Variants in CDH12 observed in about 807,000 individuals in gnomAD.
CDH12 encodes the protein cadherin-12.
Under a neutral mutation model 74.1 loss-of-function variants are expected in CDH12, and 41 were observed. The observed-to-expected ratio is 0.55, with a 90% CI of 0.43 to 0.72. CDH12 has a LOEUF of 0.72. Among genes scored for constraint, CDH12 ranks in the 30% least tolerant of loss-of-function variants. The pLI, the probability that CDH12 is intolerant of heterozygous loss-of-function variation, is 0.00. For synonymous variants in CDH12, 399 were observed against 355.0 expected (o/e 1.12, Z -1.39); for missense variants, 945 against 977.2 (o/e 0.97, Z 0.44).
chr5:21,840,793 T>G (rs1052931406), intron 8 of CDH12, among the ~76,000 whole-genome samples: 1 of 152,200 alleles, frequency 6.6e-6, no homozygotes, highest in Non-Finnish European at 1.5e-5. Flanking sequence ...CTGGGAAAAC[T>G]GGCTAGCCAT....
At chr5:22,519,500 T>C (rs1297916428) in intron 1 of CDH12, among the ~76,000 whole-genome samples, 1 of 150,808 alleles carries the variant, frequency 6.6e-6, no homozygotes, top group African/African-American at 2.4e-5. Context: ...CTCGGCTCAC[T>C]GCAAACTCCA....
At chr5:21,980,687 G>C (rs1351099658) in intron 5 of CDH12, among the ~76,000 whole-genome samples, 1 of 152,008 alleles carries the variant, frequency 6.6e-6, no homozygotes, top group Non-Finnish European at 1.5e-5. Context: ...TGAGAATAAA[G>C]TATATGAGAT....
chr5:22,111,244 T>TA (rs1479941258), intron 4 of CDH12, among the ~76,000 whole-genome samples: 2 of 152,176 alleles, frequency 1.3e-5, no homozygotes, highest in South Asian at 4.1e-4. Flanking sequence ...TACAACCAAA[T>TA]ACATATTTAT....
chr5:22,284,492 T>C (rs1172568111), intron 3 of CDH12, among the ~76,000 whole-genome samples: 1 of 152,148 alleles, frequency 6.6e-6, no homozygotes, highest in Non-Finnish European at 1.5e-5. Flanking sequence ...GGGTACCAGT[T>C]TCTACCTGCT....
intron 5 of CDH12, among the ~76,000 whole-genome samples, chr5:22,031,861 A>T (rs1226599614): frequency 6.6e-6 from 1 of 152,176 alleles, no homozygotes; most frequent in African/African-American, 2.4e-5. Flanking sequence ...ATCACAGATG[A>T]CCATAACAGA....
intron 1 of CDH12, among the ~76,000 whole-genome samples, chr5:22,682,633 A>C (rs1011115364): frequency 1.3e-5 from 2 of 152,060 alleles, no homozygotes; most frequent in African/African-American, 4.8e-5. Context: ...TTGTCTGTCT[A>C]AAGTGGAATT....
intron 5 of CDH12, among the ~76,000 whole-genome samples, chr5:22,051,802 T>G (rs557171459): frequency 2.0e-5 from 3 of 151,194 alleles, no homozygotes; most frequent in Non-Finnish European, 4.4e-5. Flanking sequence ...GTGAAAAGAT[T>G]GAGAAAAAAA....
chr5:22,194,661 A>G (rs1280004281), intron 4 of CDH12, among the ~76,000 whole-genome samples: 2 of 152,138 alleles, frequency 1.3e-5, no homozygotes, highest in African/African-American at 4.8e-5. Flanking sequence ...ACTTTATGAA[A>G]AAAACTTGCC....
intron 4 of CDH12, among the ~76,000 whole-genome samples, chr5:22,125,960 G>GT (rs34864453): frequency 0.68 from 90,608 of 132,428 alleles, 31,410 homozygotes; most frequent in Non-Finnish European, 0.76. Flanking sequence ...CACTTTCATT[G>GT]TTTTTTTTTT....
chr5:22,088,673 G>T (rs549135907), intron 4 of CDH12, among the ~76,000 whole-genome samples: 3 of 152,118 alleles, frequency 2.0e-5, no homozygotes, highest in Non-Finnish European at 4.4e-5. Context: ...TTTGGACAGA[G>T]TGTAAACTCC....
chr5:22,098,436 G>C (rs1743930885), intron 4 of CDH12, among the ~76,000 whole-genome samples: 1 of 152,068 alleles, frequency 6.6e-6, no homozygotes, highest in Non-Finnish European at 1.5e-5. Flanking sequence ...TAGCCTTTCT[G>C]TCCAAACAAC....
At chr5:22,253,971 C>T (rs182548285) in intron 3 of CDH12, among the ~76,000 whole-genome samples, 3 of 151,844 alleles carry the variant, frequency 2.0e-5, no homozygotes, top group Non-Finnish European at 2.9e-5. Context: ...TCACAAATAT[C>T]GATAAATTAG....
chr5:22,729,042 C>G (rs538809729), intron 1 of CDH12, among the ~76,000 whole-genome samples: 1 of 151,932 alleles, frequency 6.6e-6, no homozygotes, highest in East Asian at 1.9e-4. Flanking sequence ...TCCTCATTAC[C>G]ATGTTAGCCT....
intron 1 of CDH12, among the ~76,000 whole-genome samples, chr5:22,702,892 A>C (rs558183520): frequency 3.3e-5 from 5 of 152,080 alleles, no homozygotes; most frequent in Non-Finnish European, 5.9e-5. Context: ...ACTTTTTACA[A>C]TAGTTACATT....
intron 14 of CDH12, among the ~76,000 whole-genome samples, chr5:21,753,617 G>A (rs1367074208): frequency 1.3e-5 from 2 of 151,852 alleles, no homozygotes; most frequent in Non-Finnish European, 1.5e-5. Flanking sequence ...ACCTAAAGGA[G>A]TGTGAGATTG....
At chr5:21,870,241 A>G (rs1751547218) in intron 6 of CDH12, among the ~76,000 whole-genome samples, 1 of 152,124 alleles carries the variant, frequency 6.6e-6, no homozygotes, top group Non-Finnish European at 1.5e-5. Flanking sequence ...AACAGCGTGA[A>G]AATGGTCTAA....
intron 6 of CDH12, 114 bp from the exon 7 acceptor site, chr5:21,854,904 A>G (rs1224249806): frequency 3.7e-6 from 3 of 809,244 alleles, no homozygotes; most frequent in African/African-American, 3.5e-5. Flanking sequence ...CAAGTACACC[A>G]TGAGTACATG....
intron 6 of CDH12, among the ~76,000 whole-genome samples, chr5:21,950,757 T>TTTATTATTATTATTA (rs71609723): frequency 8.0e-5 from 11 of 136,986 alleles, no homozygotes; most frequent in East Asian, 4.3e-4. Context: ...TAAATTTTAT[T>TTTATTATTATTATTA]TTATTATTAT....
chr5:22,852,233 G>A (rs988020087), intron 1 of CDH12, among the ~76,000 whole-genome samples: 6 of 152,142 alleles, frequency 3.9e-5, no homozygotes, highest in African/African-American at 1.2e-4. Flanking sequence ...GTGTATAAGA[G>A]ATATCAGGTA....
Sources: gnomAD v4.1 joint callset for allele counts (sites outside exome capture counted in the v4.1 genomes callset) on GRCh38, gnomAD v4.1.1 for gene constraint, MANE v1.5 for transcripts, NCBI Gene and HGNC (gene_info 2026-07-23, HGNC 2026-07-21) for gene names.